FNIP1: variants seen among roughly 807,000 people sequenced by gnomAD.
FNIP1 encodes the protein folliculin interacting protein 1, also known as folliculin-interacting protein 1.
FNIP1 carries 40 observed loss-of-function variants against 124.5 expected under a neutral mutation model. The ratio of observed to expected loss-of-function variants is 0.32; its 90% CI spans 0.25 to 0.42. FNIP1 has a LOEUF of 0.42. Ranked by LOEUF, FNIP1 falls within the 10% of genes least tolerant of loss-of-function variation. The pLI, the probability that FNIP1 is intolerant of heterozygous loss-of-function variation, is 1.00. For missense variants in FNIP1, 1,176 were observed against 1,403.7 expected (o/e 0.84, Z 2.59); for synonymous variants, 472 against 470.6 (o/e 1.00, Z -0.04).
chr5:131,677,671 A>C lies in FNIP1; in HGVS notation c.1519+32T>G, dbSNP rs538138259. On this transcript the variant is annotated intron_variant, in intron 13 of 17. Transcript: ENST00000510461. ...TTACAGATAGCTACAAAAAAGTCTA[A>C]TACATAGTGTAACAGTTGTCAGATT... 36 of 1,580,570 alleles carry C rather than the reference A, an allele frequency of 2.3e-5. No homozygotes were observed. The South Asian group carries it at 3.9e-4, about 17-fold the overall frequency.
At chr5:131,712,418 C>T (rs527739484) in intron 6 of FNIP1, among the ~76,000 whole-genome samples, 54 of 151,996 alleles carry the variant, frequency 3.6e-4, no homozygotes, top group Non-Finnish European at 1.6e-4. Context: ...GTTGGGTCCC[C>T]GAGACTTTCA....
At chr5:131,692,204 G>T (rs1035525955) in intron 11 of FNIP1, among the ~76,000 whole-genome samples, 1 of 152,108 alleles carries the variant, frequency 6.6e-6, no homozygotes, top group African/African-American at 2.4e-5. Context: ...TAATGAGGTT[G>T]CAGAATACAA....
intron 10 of FNIP1, among the ~76,000 whole-genome samples, chr5:131,703,402 C>A (rs1768968219): frequency 6.6e-6 from 1 of 152,198 alleles, no homozygotes; most frequent in Admixed American, 6.5e-5. Flanking sequence ...TGAAAACCCT[C>A]CAATGGTTTC....
intron 11 of FNIP1, among the ~76,000 whole-genome samples, chr5:131,682,290 T>C (rs895965754): frequency 1.3e-5 from 2 of 152,184 alleles, no homozygotes; most frequent in African/African-American, 4.8e-5. Context: ...GCTTTAGTAT[T>C]TTAGTATTAT....
In FNIP1 at chr5:131,671,942, T is replaced by C. The variant is rs754065931; in HGVS notation, c.2502A>G (p.Leu834=). 1.2e-6 allele frequency: 2 copies of C among 1,614,246 alleles called. No individual in the cohort carries two copies. Among genetic ancestry groups the C allele is most frequent in the African/African-American group, 1.3e-5 (1 of 75,078 alleles). ...AATCATCATTAAAATATTCGTCGAA[T>C]AAGCTCATGCTTTCTGGGTCTGAAT... ...WNHSDPESMS[L]FDEYFNDDSI... is the part of the protein sequence containing the mutation. Residue 834 remains leucine (L), a synonymous_variant, in exon 14 of 18, where the codon TTA becomes TTG. Coordinates refer to ENST00000510461, the MANE Select transcript of FNIP1 (RefSeq NM_133372.3).
intron 6 of FNIP1, 50 bp downstream of exon 6, chr5:131,716,515 G>A (rs754490724): frequency 1.6e-6 from 2 of 1,266,744 alleles, no homozygotes; most frequent in African/African-American, 3.0e-5. Flanking sequence ...AAAAACACTT[G>A]TTACCCTGCT....
intron 6 of FNIP1, among the ~76,000 whole-genome samples, chr5:131,712,920 CTTAA>C (rs1409925179): frequency 1.3e-5 from 2 of 152,176 alleles, no homozygotes; most frequent in African/African-American, 4.8e-5. Flanking sequence ...CTTCCTGTTG[CTTAA>C]TTTAGTCCAT....
chr5:131,726,337 G>C (rs537010251), intron 3 of FNIP1, among the ~76,000 whole-genome samples: 8 of 152,046 alleles, frequency 5.3e-5, no homozygotes, highest in Non-Finnish European at 1.2e-4. Context: ...ACTTTTTTTT[G>C]GTTGGCAGGC....
chr5:131,796,570 G>T (rs1236545583), intron 1 of FNIP1: 2 of 522,924 alleles, frequency 3.8e-6, no homozygotes, highest in Non-Finnish European at 6.8e-6. Flanking sequence ...AGAGTCGCGC[G>T]TGGCTGGGGG....
At chr5:131,730,682 AT>A (rs1370751692) in intron 3 of FNIP1, among the ~76,000 whole-genome samples, 5 of 152,244 alleles carry the variant, frequency 3.3e-5, no homozygotes, top group African/African-American at 4.8e-5. Context: ...ATTGGGAAAT[AT>A]AAGGAGAAAA....
At chr5:131,761,387 G>GA (rs1484494247) in intron 1 of FNIP1, among the ~76,000 whole-genome samples, 1 of 152,086 alleles carries the variant, frequency 6.6e-6, no homozygotes, top group Non-Finnish European at 1.5e-5. Flanking sequence ...AAGACTCTAT[G>GA]AAAAAACTAT....
intron 2 of FNIP1, among the ~76,000 whole-genome samples, chr5:131,732,678 C>T (rs1770138538): frequency 6.6e-6 from 1 of 152,182 alleles, no homozygotes; most frequent in Middle Eastern, 3.4e-3. Flanking sequence ...TTTACTGTTC[C>T]ATTGGTCTGT....
chr5:131,785,325 C>T (rs990421894), intron 1 of FNIP1, among the ~76,000 whole-genome samples: 1 of 151,596 alleles, frequency 6.6e-6, no homozygotes, highest in Non-Finnish European at 1.5e-5. Flanking sequence ...GAGGTTGAGG[C>T]AGGTGGACTG....
intron 1 of FNIP1, among the ~76,000 whole-genome samples, chr5:131,793,331 A>G (rs1368097401): frequency 6.6e-6 from 1 of 152,318 alleles, no homozygotes; most frequent in South Asian, 2.1e-4. Context: ...CACCAAACCC[A>G]GCCCAAAATA....
In FNIP1 at chr5:131,681,266, G is replaced by C. The variant is rs1025566847; in HGVS notation, c.1203-2091C>G. Among the ~76,000 whole-genome samples the C allele has an allele frequency of 1.1e-4, 16 of 152,196 alleles. No individual in the cohort carries two copies. In the East Asian group the frequency reaches 3.1e-3, roughly 29 times the overall value. ...GGGGCGGTGGTATTGAAGGAGCAGAGATTAGGGGAAAAATATCTAAATATG... is the reference window on the plus strand; with the variant it reads ...GGGGCGGTGGTATTGAAGGAGCAGACATTAGGGGAAAAATATCTAAATATG... On this transcript the variant is annotated intron_variant, in intron 11 of 17. Transcript: ENST00000510461.
At chr5:131,734,910 A>G (rs1770235901) in intron 2 of FNIP1, among the ~76,000 whole-genome samples, 1 of 152,246 alleles carries the variant, frequency 6.6e-6, no homozygotes, top group African/African-American at 2.4e-5. Flanking sequence ...GCGATTTCTC[A>G]GGGATCTACA....
At chr5:131,661,218 TTTTGTG>T (rs1270006225) in intron 15 of FNIP1, among the ~76,000 whole-genome samples, 17 of 10,948 alleles carry the variant, frequency 1.6e-3, no homozygotes, top group Non-Finnish European at 3.0e-3. Flanking sequence ...CTTGTCTTTG[TTTTGTG>T]TGTGTGTGTG....
At chr5:131,728,239 G>A (rs1003532947) in intron 3 of FNIP1, among the ~76,000 whole-genome samples, 12 of 152,136 alleles carry the variant, frequency 7.9e-5, no homozygotes. Context: ...GCTATGTTGG[G>A]AAAGTTCTCG....
chr5:131,757,809 AAGAT>A (rs2149570130), intron 1 of FNIP1, among the ~76,000 whole-genome samples: 1 of 152,344 alleles, frequency 6.6e-6, no homozygotes, highest in South Asian at 2.1e-4. Flanking sequence ...ATATCTGAAT[AAGAT>A]AGGAATGTCT....
Sources: allele counts gnomAD v4.1 joint callset (sites outside exome capture counted in the v4.1 genomes callset), GRCh38; gene constraint gnomAD v4.1.1; transcripts MANE v1.5; gene names NCBI Gene and HGNC (gene_info 2026-07-23, HGNC 2026-07-21).